The following PTPRT variants were observed in gnomAD, a reference collection of about 807,000 sequenced individuals.
PTPRT encodes the protein protein tyrosine phosphatase receptor type T.
PTPRT carries 56 observed loss-of-function variants against 176.8 expected under a neutral mutation model. The ratio of observed to expected loss-of-function variants is 0.32; its 90% CI spans 0.26 to 0.40. The LOEUF is 0.40. PTPRT is among the 10% of genes least tolerant of loss of function. PTPRT has a pLI of 1.00. For missense variants in PTPRT, 1,540 were observed against 1,908.2 expected (o/e 0.81, Z 3.60); for synonymous variants, 783 against 739.0 (o/e 1.06, Z -0.96).
At chr20:42,508,919 A>C (rs1398625951) in intron 7 of PTPRT, among the ~76,000 whole-genome samples, 1 of 144,868 alleles carries the variant, frequency 6.9e-6, no homozygotes, top group Non-Finnish European at 1.5e-5. Flanking sequence ...TAATTTATAA[A>C]TATAAATAAT....
At chr20:42,762,390 C>CA (rs566305070) in intron 5 of PTPRT, among the ~76,000 whole-genome samples, 74 of 151,488 alleles carry the variant, frequency 4.9e-4, no homozygotes, top group Non-Finnish European at 5.4e-4. Context: ...CCCTGGGTCT[C>CA]AAGGACTTAA....
intron 25 of PTPRT, 68 bp from the exon 26 acceptor site, chr20:42,102,365 A>G (rs1186320746): frequency 1.3e-6 from 2 of 1,524,594 alleles, no homozygotes; most frequent in Non-Finnish European, 1.8e-6. Flanking sequence ...AGAGACAGTA[A>G]TGTTCCAACT....
At chr20:42,848,012 G>A (rs2078405732) in intron 2 of PTPRT, among the ~76,000 whole-genome samples, 1 of 151,910 alleles carries the variant, frequency 6.6e-6, no homozygotes, top group Non-Finnish European at 1.5e-5. Flanking sequence ...AGTCCCCAAA[G>A]TCATTGTGTC....
At chr20:42,683,198 TG>T (rs970734888) in intron 6 of PTPRT, among the ~76,000 whole-genome samples, 1 of 152,238 alleles carries the variant, frequency 6.6e-6, no homozygotes, top group African/African-American at 2.4e-5. Flanking sequence ...GAAACACGGT[TG>T]TGCCATTCTC....
chr20:42,838,277 CA>C (rs1284318249), intron 2 of PTPRT, among the ~76,000 whole-genome samples: 1 of 152,196 alleles, frequency 6.6e-6, no homozygotes, highest in African/African-American at 2.4e-5. Context: ...CTCAGCCTCC[CA>C]AAGTGTTGGG....
chr20:42,031,989 C>A, the PTPRT span, among the ~76,000 whole-genome samples: 1 of 152,094 alleles, frequency 6.6e-6, no homozygotes, highest in Non-Finnish European at 1.5e-5. Flanking sequence ...GAAGAAAGTC[C>A]AAATAAGTTA....
chr20:42,515,299 A>G (rs2072040296), intron 7 of PTPRT, among the ~76,000 whole-genome samples: 1 of 152,168 alleles, frequency 6.6e-6, no homozygotes, highest in Non-Finnish European at 1.5e-5. Context: ...CCTGGCCAAC[A>G]TGGTGAAACC....
Position 43,051,625 on chromosome 20 carries a change from T to TAAAAAAAAAAAA in PTPRT, c.88+138009_88+138020dup, listed in dbSNP as rs35885799. Among the ~76,000 whole-genome samples, 324 of 91,926 alleles carry TAAAAAAAAAAAA rather than the reference T, an allele frequency of 3.5e-3. 37 individuals carry two copies. The highest frequency in any genetic ancestry group is 0.016 in the African/African-American group (300 of 18,786). The allele number at this position is 91,926 out of a possible 152,430, so 60.3% of individuals were successfully genotyped here. On this transcript the variant is annotated intron_variant, in intron 1 of 30. Transcript: ENST00000373187. Reference sequence around the variant, plus strand: ...TCCTTCCAGCCACACTCTGTAACTGTAAAAAAAAAAAAAAAAAAAAAAAAT... The same window carrying TAAAAAAAAAAAA: ...TCCTTCCAGCCACACTCTGTAACTGTAAAAAAAAAAAAAAAAAAAAAAAAAAAAAAAAAAAAT...
intron 1 of PTPRT, among the ~76,000 whole-genome samples, chr20:43,075,985 C>G (rs938540237): frequency 2.6e-5 from 4 of 152,120 alleles, no homozygotes; most frequent in African/African-American, 9.7e-5. Context: ...TTAAAGAACC[C>G]CTGGTCAGAG....
At chr20:43,142,109 C>T (rs947640960) in intron 1 of PTPRT, among the ~76,000 whole-genome samples, 7 of 152,222 alleles carry the variant, frequency 4.6e-5, no homozygotes, top group African/African-American at 7.2e-5. Flanking sequence ...CTAAGAATTG[C>T]TAAGAGGACT....
intron 15 of PTPRT, among the ~76,000 whole-genome samples, chr20:42,234,773 C>A (rs2056206789): frequency 6.6e-6 from 1 of 152,336 alleles, no homozygotes; most frequent in South Asian, 2.1e-4. Flanking sequence ...AATAAGTGAT[C>A]TGGTACTTCC....
chr20:42,055,253 A>C, the PTPRT span, among the ~76,000 whole-genome samples: 1 of 152,180 alleles, frequency 6.6e-6, no homozygotes, highest in South Asian at 2.1e-4. Context: ...AATCTTTGGA[A>C]AGTTTTCCCC....
chr20:42,632,662 AATTTTACTAT>A (rs1429246609), intron 7 of PTPRT, among the ~76,000 whole-genome samples: 4 of 149,618 alleles, frequency 2.7e-5, no homozygotes, highest in Non-Finnish European at 4.4e-5. Context: ...TAATATTACT[AATTTTACTAT>A]ATTTTACTAT....
chr20:42,106,722 A>G, intron 24 of PTPRT, 64 bp downstream of exon 24: 2 of 1,573,636 alleles, frequency 1.3e-6, no homozygotes, highest in African/African-American at 1.3e-5. Context: ...TCTCCGTTCT[A>G]TCATCATGTT....
chr20:42,934,855 G>C (rs1980074117), intron 1 of PTPRT, among the ~76,000 whole-genome samples: 1 of 152,040 alleles, frequency 6.6e-6, no homozygotes, highest in African/African-American at 2.4e-5. Context: ...GATCACCTGA[G>C]GTTAGGAGTT....
intron 7 of PTPRT, among the ~76,000 whole-genome samples, chr20:42,584,859 A>T (rs901196752): frequency 3.3e-5 from 5 of 152,298 alleles, no homozygotes; most frequent in African/African-American, 1.2e-4. Context: ...CTCTCTATTC[A>T]TTTCTAATTA....
intron 7 of PTPRT, among the ~76,000 whole-genome samples, chr20:42,626,513 C>T (rs2074291561): frequency 6.6e-6 from 1 of 152,214 alleles, no homozygotes; most frequent in Non-Finnish European, 1.5e-5. Context: ...TTCTTCAGTA[C>T]ACTACTAAAT....
intron 2 of PTPRT, among the ~76,000 whole-genome samples, chr20:42,795,546 G>C (rs1414344341): frequency 6.6e-6 from 1 of 152,150 alleles, no homozygotes; most frequent in Non-Finnish European, 1.5e-5. Flanking sequence ...GAGTGTGCTC[G>C]GGCGACTGGC....
rs562848262 is a variant in PTPRT, at chr20:42,391,967, T to G, written c.1561-39682A>C. Among the ~76,000 whole-genome samples the G allele has an allele frequency of 4.6e-5, 7 of 152,228 alleles. No individual in the cohort carries two copies. In the South Asian group the frequency reaches 1.2e-3, roughly 27 times the overall value. On this transcript the variant is annotated intron_variant, in intron 9 of 30. Coordinates refer to ENST00000373187, the MANE Select transcript of PTPRT (RefSeq NM_007050.6). ...AACAACATTGCCACGGGCTCTATTT[T>G]CCTCCCTGCCATGATGGGCAATGGC...
Sources: gnomAD v4.1 joint callset for allele counts (sites outside exome capture counted in the v4.1 genomes callset) on GRCh38, gnomAD v4.1.1 for gene constraint, MANE v1.5 for transcripts, NCBI Gene and HGNC (gene_info 2026-07-23, HGNC 2026-07-21) for gene names.